DLAT: variants seen among roughly 807,000 people sequenced by gnomAD.
The protein encoded by DLAT is dihydrolipoamide S-acetyltransferase, also known as dihydrolipoyllysine-residue acetyltransferase component of pyruvate dehydrogenase complex, mitochondrial.
Under a neutral mutation model 68.0 loss-of-function variants are expected in DLAT, and 43 were observed. The observed-to-expected ratio is 0.63, with a 90% CI of 0.50 to 0.81. The LOEUF (loss-of-function observed/expected upper bound fraction) is 0.81. Ranked by LOEUF, DLAT falls within the 40% of genes least tolerant of loss-of-function variation. DLAT has a pLI of 0.00. For synonymous variants in DLAT, 265 were observed against 288.6 expected (o/e 0.92, Z 0.83); for missense variants, 745 against 815.4 (o/e 0.91, Z 1.05).
chr11:112,051,411 A>G lies in DLAT; in HGVS notation c.1514+62A>G. 3 of 1,209,010 alleles carry G rather than the reference A, an allele frequency of 2.5e-6. No homozygotes were observed. Among genetic ancestry groups the G allele is most frequent in the Non-Finnish European group, 3.7e-6 (3 of 817,998 alleles). 74.9% of individuals were successfully genotyped at this position (1,209,010 alleles called of 1,614,324 possible). ...GTTTTCTTGTATTATTTAATGTGTG[A>G]GTGGAGTTGAGGGGATAAGGAGAAA... On this transcript the variant is annotated intron_variant, in intron 11 of 13. Transcript: ENST00000280346. This position sits in a 1 kb window ranked among gnomAD's most constrained non-coding sequence, Gnocchi z 4.3.
intron 10 of DLAT, among the ~76,000 whole-genome samples, chr11:112,049,433 G>A (rs1863497068): frequency 6.6e-6 from 1 of 152,076 alleles, no homozygotes; most frequent in Admixed American, 6.6e-5. Flanking sequence ...GTTTTTCAGA[G>A]TGTAAGTTTT....
At chr11:112,033,286 GGTGA>G (rs1862513189) in intron 4 of DLAT, 114 bp from the exon 5 acceptor site, 1 of 1,277,888 alleles carries the variant, frequency 7.8e-7, no homozygotes, top group Non-Finnish European at 1.1e-6. Flanking sequence ...CTTTTGCTGT[GGTGA>G]GTATTTGGAT....
intron 13 of DLAT, chr11:112,061,556 G>A: frequency 4.9e-6 from 1 of 204,458 alleles, no homozygotes; most frequent in South Asian, 7.8e-5. Context: ...AACCATACCT[G>A]TTTTTGAGTA....
intron 11 of DLAT, among the ~76,000 whole-genome samples, chr11:112,059,309 G>T (rs1468047772): frequency 6.6e-6 from 1 of 151,478 alleles, no homozygotes; most frequent in African/African-American, 2.4e-5. Context: ...GATGTTAGAC[G>T]ATATGTGCGA....
chr11:112,044,516 T>C (rs1005722345), intron 8 of DLAT, among the ~76,000 whole-genome samples: 3 of 152,226 alleles, frequency 2.0e-5, no homozygotes, highest in East Asian at 1.9e-4. Flanking sequence ...TTTATACTTA[T>C]TTATTATTCC....
rs117067819 is a variant in DLAT, at chr11:112,051,962, T to A, written c.1514+613T>A. ...ATCTCATTCAATTCTCATGACTATC[T>A]TATGATTTAAGTGCTTTCACTTCCA... On this transcript the variant is annotated intron_variant, in intron 11 of 13. Coordinates refer to ENST00000280346, the MANE Select transcript of DLAT (RefSeq NM_001931.5). This position sits in a 1 kb window ranked among gnomAD's most constrained non-coding sequence, Gnocchi z 4.3. Among the ~76,000 whole-genome samples, 397 of 152,278 alleles carry A rather than the reference T, an allele frequency of 2.6e-3. 1 individual carries two copies. Among genetic ancestry groups the A allele is most frequent in the Non-Finnish European group, 4.7e-3 (318 of 68,012 alleles).
At chr11:112,041,335 TAAGA>T (rs1221351667) in intron 7 of DLAT, among the ~76,000 whole-genome samples, 5 of 152,196 alleles carry the variant, frequency 3.3e-5, no homozygotes, top group South Asian at 2.1e-4. Flanking sequence ...ATTTGAGTGC[TAAGA>T]AAGAAAGAAA....
At chr11:112,028,468 T>C in intron 2 of DLAT, 47 bp from the exon 3 acceptor site, 1 of 1,535,372 alleles carries the variant, frequency 6.5e-7, no homozygotes, top group Non-Finnish European at 9.0e-7. Flanking sequence ...GCTAATAAAT[T>C]ACATACCAAC....
chr11:112,033,455 T>TG lies in DLAT; in HGVS notation c.715dup (p.Glu239GlyfsTer6). The stretch of plus-strand genomic sequence containing the variant: ...CATGACCATGGGCACAGTTCAGAGA[T>TG]GGGAAAAAAAAGTGGGTGAGAAGCT... On this transcript the variant is annotated frameshift_variant, in exon 5 of 14. Transcript: ENST00000280346. LOFTEE classifies it high-confidence loss of function. 6.2e-7 allele frequency: 1 copy of TG among 1,613,704 alleles called. No individual in the cohort carries two copies. Among genetic ancestry groups the TG allele is most frequent in the Non-Finnish European group, 8.5e-7 (1 of 1,179,850 alleles).
chr11:112,048,595 G>A (rs1382298776), intron 10 of DLAT, among the ~76,000 whole-genome samples: 1 of 152,126 alleles, frequency 6.6e-6, no homozygotes, highest in African/African-American at 2.4e-5. Context: ...GTGCAGTGGC[G>A]TGATCTTGGC....
Position 112,063,686 on chromosome 11 carries a change from GA to G in DLAT, c.*1157del, listed in dbSNP as rs1275227067. 6.6e-6 allele frequency: 1 copy of G among 152,318 alleles called. No homozygotes were observed. The highest frequency in any genetic ancestry group is 1.5e-5 in the Non-Finnish European group (1 of 68,130). 9.4% of individuals were successfully genotyped at this position (152,318 alleles called of 1,614,324 possible). On this transcript the variant is annotated 3_prime_UTR_variant, in exon 14 of 14. Transcript: ENST00000280346. ...GAAAGCCCTAAAATACTATTGGAGA[GA>G]AAAAATTAACTAGGTTGCTACTTTA...
chr11:112,031,730 T>C (rs1862407059), intron 4 of DLAT, among the ~76,000 whole-genome samples: 1 of 146,104 alleles, frequency 6.8e-6, no homozygotes, highest in Non-Finnish European at 1.5e-5. Context: ...CGTGCCACCA[T>C]GCCCAGCTAA....
chr11:112,051,381 C>A lies in DLAT; in HGVS notation c.1514+32C>A. ...ATAACTGGGGAAGATATATATCCAT[C>A]GGTAGTTTTCTTGTATTATTTAATG... On this transcript the variant is annotated intron_variant, in intron 11 of 13. Transcript: ENST00000280346. The surrounding 1 kb of genome is among the most constrained non-coding windows in gnomAD (Gnocchi z 4.3). 6.9e-7 allele frequency: 1 copy of A among 1,457,490 alleles called. No individual in the cohort carries two copies. Among genetic ancestry groups the A allele is most frequent in the Non-Finnish European group, 9.6e-7 (1 of 1,039,226 alleles). 90.3% of individuals were successfully genotyped at this position (1,457,490 alleles called of 1,614,324 possible). A position where few individuals can be genotyped will look rare whatever the true frequency, so the allele number is the denominator to read the frequency against.
intron 4 of DLAT, among the ~76,000 whole-genome samples, chr11:112,029,209 T>C (rs1018791728): frequency 4.6e-5 from 7 of 152,206 alleles, no homozygotes; most frequent in Admixed American, 2.0e-4. Flanking sequence ...TCAAGAACAT[T>C]ACATTACAGA....
In DLAT at chr11:112,028,648, T is replaced by C. The variant is rs782244285; in HGVS notation, c.506+9T>C. The C allele has an allele frequency of 1.7e-5, 28 of 1,614,034 alleles. No individual in the cohort carries two copies. In the African/African-American group the frequency reaches 3.6e-4, roughly 21 times the overall value. The stretch of plus-strand genomic sequence containing the variant: ...TGTATCACAGTTGGCAAGTGAGTAG[T>C]GCGCTCATAATTTGTGGAACTTCAT... On this transcript the variant is annotated intron_variant, in intron 3 of 13. Transcript: ENST00000280346.
At chr11:112,027,572 G>C (rs1484942711) in intron 2 of DLAT, among the ~76,000 whole-genome samples, 1 of 151,834 alleles carries the variant, frequency 6.6e-6, no homozygotes, top group Admixed American at 6.6e-5. Flanking sequence ...AGGTTGTAGC[G>C]AGCCGAGATC....
At chr11:112,039,113 C>A in intron 6 of DLAT, 131 bp from the exon 7 acceptor site, 2 of 897,358 alleles carry the variant, frequency 2.2e-6, no homozygotes, top group South Asian at 2.3e-5. Context: ...ACATTATGAT[C>A]TTTGGAAAAA....
At chr11:112,061,312 A>G in intron 13 of DLAT, 138 bp downstream of exon 13, 1 of 848,156 alleles carries the variant, frequency 1.2e-6, no homozygotes, top group Non-Finnish European at 2.0e-6. Context: ...CTGATATGAT[A>G]TGATGTAATA....
chr11:112,043,114 C>T (rs587756670), intron 7 of DLAT, among the ~76,000 whole-genome samples: 68 of 152,140 alleles, frequency 4.5e-4, no homozygotes, highest in Middle Eastern at 3.4e-3. Flanking sequence ...AAACTGTGCT[C>T]GGCATTATCC....
Sources: allele counts gnomAD v4.1 joint callset (sites outside exome capture counted in the v4.1 genomes callset), GRCh38; gene constraint gnomAD v4.1.1; non-coding constraint Gnocchi (gnomAD v3.1); transcripts MANE v1.5; gene names NCBI Gene and HGNC (gene_info 2026-07-23, HGNC 2026-07-21).